The following UGGT2 variants were observed in gnomAD, a reference collection of about 807,000 sequenced individuals.
UGGT2 encodes UDP-glucose:glycoprotein glucosyltransferase 2.
Under a neutral mutation model 192.1 loss-of-function variants are expected in UGGT2, and 180 were observed. That is an observed-to-expected ratio of 0.94 (90% confidence interval 0.83 to 1.06). The LOEUF is 1.06. Ranked by LOEUF, UGGT2 falls within the 50% of genes least tolerant of loss-of-function variation. The pLI, the probability that UGGT2 is intolerant of heterozygous loss-of-function variation, is 0.00. For missense variants in UGGT2, 1,849 were observed against 1,795.7 expected (o/e 1.03, Z -0.54); for synonymous variants, 580 against 591.0 (o/e 0.98, Z 0.27).
intron 4 of UGGT2, among the ~76,000 whole-genome samples, chr13:96,019,302 T>C (rs996014131): frequency 4.6e-5 from 7 of 152,140 alleles, no homozygotes; most frequent in Admixed American, 2.0e-4. Context: ...TTTACATGGG[T>C]TCCCCATGGG....
intron 29 of UGGT2, among the ~76,000 whole-genome samples, chr13:95,869,089 T>G (rs976579318): frequency 7.0e-6 from 1 of 142,950 alleles, no homozygotes; most frequent in Non-Finnish European, 1.5e-5. Flanking sequence ...CCTGTGTCCA[T>G]GTGTTCTCAT....
intron 1 of UGGT2, among the ~76,000 whole-genome samples, chr13:96,052,774 C>CTT (rs1056613207): frequency 2.0e-5 from 3 of 152,224 alleles, no homozygotes; most frequent in African/African-American, 7.2e-5. Flanking sequence ...AGCCTAGGAG[C>CTT]TGATGGTATG....
chr13:95,884,332 C>G (rs991696905), intron 27 of UGGT2, among the ~76,000 whole-genome samples, 159 bp downstream of exon 27: 4 of 152,052 alleles, frequency 2.6e-5, no homozygotes, highest in African/African-American at 9.7e-5. Context: ...ATTAGAAAAA[C>G]TTAAAAATCA....
chr13:96,012,618 A>G (rs1483590751), intron 5 of UGGT2, among the ~76,000 whole-genome samples: 1 of 152,100 alleles, frequency 6.6e-6, no homozygotes, highest in Non-Finnish European at 1.5e-5. Flanking sequence ...TAAGGTTTTA[A>G]TTAGATTAAA....
intron 38 of UGGT2, among the ~76,000 whole-genome samples, chr13:95,813,186 C>T (rs1199988926): frequency 6.6e-6 from 1 of 151,966 alleles, no homozygotes; most frequent in Non-Finnish European, 1.5e-5. Flanking sequence ...ATAGCAGAGG[C>T]TGGAAGAGTT....
intron 37 of UGGT2, among the ~76,000 whole-genome samples, chr13:95,835,669 C>T (rs1302348550): frequency 3.3e-5 from 5 of 151,882 alleles, no homozygotes; most frequent in Non-Finnish European, 4.4e-5. Context: ...ATAGCTTATT[C>T]GTCAGTGAAG....
intron 36 of UGGT2, among the ~76,000 whole-genome samples, chr13:95,851,975 G>A (rs1399612077): frequency 1.3e-5 from 2 of 152,016 alleles, no homozygotes; most frequent in East Asian, 1.9e-4. Flanking sequence ...GTTATTGAGG[G>A]TTACTGAGGA....
intron 10 of UGGT2, among the ~76,000 whole-genome samples, chr13:95,982,289 C>T (rs1005892982): frequency 3.3e-5 from 5 of 152,180 alleles, no homozygotes; most frequent in Non-Finnish European, 5.9e-5. Context: ...CCTGTAAAAT[C>T]GAGCTGCAGA....
At chr13:96,027,798 T>G (rs2052714012) in intron 2 of UGGT2, among the ~76,000 whole-genome samples, 1 of 152,234 alleles carries the variant, frequency 6.6e-6, no homozygotes, top group African/African-American at 2.4e-5. Flanking sequence ...AAGTCTTGAT[T>G]ACTATACCAG....
At chr13:95,924,793 C>A (rs2048968647) in intron 20 of UGGT2, among the ~76,000 whole-genome samples, 1 of 152,160 alleles carries the variant, frequency 6.6e-6, no homozygotes, top group South Asian at 2.1e-4. Flanking sequence ...AAGCACTCTG[C>A]TAAAAGCCAG....
At chr13:95,860,541 A>C (rs1890063381) in intron 32 of UGGT2, among the ~76,000 whole-genome samples, 2 of 150,080 alleles carry the variant, frequency 1.3e-5, no homozygotes, top group African/African-American at 4.9e-5. Flanking sequence ...TTTGGGTAAA[A>C]GGACTTAAAC....
intron 5 of UGGT2, among the ~76,000 whole-genome samples, chr13:96,003,483 T>C (rs1240378335): frequency 6.6e-6 from 1 of 152,184 alleles, no homozygotes; most frequent in African/African-American, 2.4e-5. Context: ...TTGAGTCTAT[T>C]TTTCCATTCT....
At chr13:96,053,055 C>A in intron 1 of UGGT2, 100 bp downstream of exon 1, 1 of 1,373,662 alleles carries the variant, frequency 7.3e-7, no homozygotes, top group Non-Finnish European at 9.4e-7. Flanking sequence ...TCTGGAGAAC[C>A]CGGGTGGGAG....
rs987546722 is a variant in UGGT2 at position 95,884,759 on chromosome 13, G to C, written c.3039-79C>G. On this transcript the variant is annotated intron_variant, in intron 26 of 38. Coordinates refer to ENST00000376747, the MANE Select transcript of UGGT2 (RefSeq NM_020121.4). ...TAAAATATTTTCAAAATTGAAAATT[G>C]CTTAATGATCTGACCAGAAGTCTAC... The C allele has an allele frequency of 2.9e-6, 4 of 1,363,960 alleles. No individual in the cohort carries two copies. The Admixed American group carries it at 1.0e-4, about 34-fold the overall frequency. The allele number at this position is 1,363,960 out of a possible 1,614,324, so 84.5% of individuals were successfully genotyped here.
chr13:96,021,587 AGAAACAT>A (rs2052517723), intron 4 of UGGT2, among the ~76,000 whole-genome samples: 1 of 152,236 alleles, frequency 6.6e-6, no homozygotes, highest in African/African-American at 2.4e-5. Flanking sequence ...TTATTAACAC[AGAAACAT>A]GAAAACAAAA....
chr13:95,855,030 G>T (rs1460127858), intron 34 of UGGT2, among the ~76,000 whole-genome samples: 20 of 147,590 alleles, frequency 1.4e-4, no homozygotes, highest in African/African-American at 5.0e-4. Context: ...GATATTATGT[G>T]TGGGGCTCAG....
At chr13:96,027,766 T>G (rs1414451930) in intron 2 of UGGT2, among the ~76,000 whole-genome samples, 1 of 152,184 alleles carries the variant, frequency 6.6e-6, no homozygotes, top group African/African-American at 2.4e-5. Context: ...ATGAAAAGCT[T>G]TACTCACATC....
intron 9 of UGGT2, among the ~76,000 whole-genome samples, chr13:95,984,596 CTGAAA>C (rs1284144351): frequency 1.3e-5 from 2 of 152,186 alleles, no homozygotes; most frequent in East Asian, 3.9e-4. Context: ...TCCCAAAGTG[CTGAAA>C]TTATAGGTGC....
intron 20 of UGGT2, among the ~76,000 whole-genome samples, chr13:95,924,405 T>TC (rs1316399600): frequency 8.2e-5 from 10 of 121,966 alleles, no homozygotes; most frequent in African/African-American, 3.2e-4. Flanking sequence ...TTTTTTTTTT[T>TC]TTTTTTTTTT....
Sources: gnomAD v4.1 joint callset for allele counts (sites outside exome capture counted in the v4.1 genomes callset) on GRCh38, gnomAD v4.1.1 for gene constraint, MANE v1.5 for transcripts, NCBI Gene and HGNC (gene_info 2026-07-23, HGNC 2026-07-21) for gene names.